Variants in TOX observed in about 807,000 individuals in gnomAD.
The protein encoded by TOX is thymocyte selection-associated high mobility group box protein TOX.
In TOX, 11 loss-of-function variants were observed where a neutral mutation model predicts 53.7. The ratio of observed to expected loss-of-function variants is 0.20; its 90% CI spans 0.13 to 0.34. The LOEUF is 0.34. Ranked by LOEUF, TOX falls within the 10% of genes least tolerant of loss-of-function variation. The probability of loss-of-function intolerance (pLI) is 1.00; values close to 1 mark genes in which losing one functional copy is unlikely to be tolerated. For synonymous variants in TOX, 225 were observed against 245.3 expected (o/e 0.92, Z 0.77); for missense variants, 570 against 664.6 (o/e 0.86, Z 1.56).
intron 5 of TOX, among the ~76,000 whole-genome samples, chr8:58,833,238 G>A (rs1201074610): frequency 5.3e-5 from 8 of 152,152 alleles, no homozygotes. Context: ...CTCCAATTAG[G>A]AACTTAAGGT....
rs369797233 is a variant in TOX at position 59,009,559 on chromosome 8, G to T, written c.103-49551C>A. ...GGCTAATTTTTGTACTTTTAGTAGA[G>T]ACAGGGTTTTACCATGTTGGCCAGG... On this transcript the variant is annotated intron_variant, in intron 1 of 8. Transcript: ENST00000361421. Among the ~76,000 whole-genome samples the T allele has an allele frequency of 3.2e-4, 49 of 152,088 alleles. No homozygotes were observed. In the South Asian group the frequency reaches 9.8e-3, roughly 30 times the overall value.
rs67045037 is a variant in TOX, at chr8:58,965,894, G to GTTTTTT, written c.103-5892_103-5887dup. On this transcript the variant is annotated intron_variant, in intron 1 of 8. Coordinates refer to ENST00000361421, the MANE Select transcript of TOX (RefSeq NM_014729.3). ...GCCCAGTATAAGATTACGAGTCATCGTTTTTTTTTTTTTTTTTTTTTTTTT... is the reference window on the plus strand; with the variant it reads ...GCCCAGTATAAGATTACGAGTCATCGTTTTTTTTTTTTTTTTTTTTTTTTTTTTTTT... 3.3e-3 allele frequency among the ~76,000 whole-genome samples: 164 copies of GTTTTTT among 49,608 alleles called. 42 individuals carry two copies. Among genetic ancestry groups the GTTTTTT allele is most frequent in the African/African-American group, 7.9e-3 (103 of 13,046 alleles). The allele number at this position is 49,608 out of a possible 152,430, so 32.5% of individuals were successfully genotyped here.
intron 1 of TOX, among the ~76,000 whole-genome samples, chr8:58,995,574 C>G (rs955189717): frequency 1.3e-5 from 2 of 152,128 alleles, no homozygotes; most frequent in Non-Finnish European, 2.9e-5. Flanking sequence ...GATCTCTCTA[C>G]CCCTCTGGAT....
At chr8:59,016,064 A>G (rs1337580198) in intron 1 of TOX, among the ~76,000 whole-genome samples, 1 of 152,188 alleles carries the variant, frequency 6.6e-6, no homozygotes, top group Non-Finnish European at 1.5e-5. Context: ...AAAGAAATCC[A>G]TATTTATGAC....
At chr8:58,967,091 G>T (rs1469418858) in intron 1 of TOX, among the ~76,000 whole-genome samples, 1 of 151,832 alleles carries the variant, frequency 6.6e-6, no homozygotes, top group Admixed American at 6.6e-5. Flanking sequence ...AGCCAGGATG[G>T]TCTCCATCTC....
intron 1 of TOX, among the ~76,000 whole-genome samples, chr8:59,103,615 CT>C (rs1457207487): frequency 1.3e-5 from 2 of 152,196 alleles, no homozygotes; most frequent in Non-Finnish European, 2.9e-5. Flanking sequence ...GTCTAGCCCC[CT>C]GAGATATAAA....
At chr8:59,089,065 A>G (rs1445549170) in intron 1 of TOX, among the ~76,000 whole-genome samples, 6 of 152,256 alleles carry the variant, frequency 3.9e-5, no homozygotes, top group Non-Finnish European at 7.3e-5. Flanking sequence ...ATGACAAATT[A>G]GAAATCAAGA....
At chr8:58,900,944 C>A (rs1321058597) in intron 3 of TOX, among the ~76,000 whole-genome samples, 1 of 152,060 alleles carries the variant, frequency 6.6e-6, no homozygotes, top group Non-Finnish European at 1.5e-5. Flanking sequence ...TCATTGTCAA[C>A]AGAATGCTTC....
At chr8:58,902,403 G>C (rs749603821) in intron 3 of TOX, among the ~76,000 whole-genome samples, 2 of 152,154 alleles carry the variant, frequency 1.3e-5, no homozygotes, top group East Asian at 1.9e-4. Context: ...GATGCAGGAC[G>C]GGGGGTCCTA....
rs1479222497 is a variant in TOX at position 59,068,349 on chromosome 8, T to C, written c.102+50537A>G. Among the ~76,000 whole-genome samples the C allele has an allele frequency of 4.0e-5, 6 of 150,902 alleles. No individual in the cohort carries two copies. In the East Asian group the frequency reaches 1.2e-3, roughly 29 times the overall value. On this transcript the variant is annotated intron_variant, in intron 1 of 8. Transcript: ENST00000361421. Reference sequence around the variant, plus strand: ...ATAGTCTCAGTGTCCACAGAGTTTATCTAGTGGGGGAGATAGCTGTAAAGG... The same window carrying C: ...ATAGTCTCAGTGTCCACAGAGTTTACCTAGTGGGGGAGATAGCTGTAAAGG...
chr8:59,103,872 C>T (rs1169256193), intron 1 of TOX, among the ~76,000 whole-genome samples: 1 of 152,164 alleles, frequency 6.6e-6, no homozygotes, highest in Non-Finnish European at 1.5e-5. Context: ...TGGAAGTTAA[C>T]TCAGCAGGTG....
chr8:58,889,938 A>G (rs1389280179), intron 3 of TOX, among the ~76,000 whole-genome samples: 3 of 152,192 alleles, frequency 2.0e-5, no homozygotes, highest in African/African-American at 7.2e-5. Flanking sequence ...TAGAGGCTAT[A>G]TATGTTATGA....
intron 2 of TOX, among the ~76,000 whole-genome samples, chr8:58,953,703 C>G (rs71521437): frequency 0.048 from 7,328 of 152,186 alleles, 222 homozygotes; most frequent in South Asian, 0.097. Flanking sequence ...AGCATGGCAG[C>G]TTTATCATTC....
chr8:58,979,426 C>T (rs1813160777), intron 1 of TOX, among the ~76,000 whole-genome samples: 1 of 152,200 alleles, frequency 6.6e-6, no homozygotes, highest in Non-Finnish European at 1.5e-5. Context: ...GCTGTCCGGC[C>T]TTACCAGATA....
intron 1 of TOX, among the ~76,000 whole-genome samples, chr8:59,087,514 G>T (rs1027661374): frequency 4.6e-5 from 7 of 152,092 alleles, no homozygotes; most frequent in African/African-American, 1.7e-4. Flanking sequence ...TAGGACTCCA[G>T]GTCTGTCCCC....
At chr8:58,918,891 A>G (rs1016794663) in intron 3 of TOX, among the ~76,000 whole-genome samples, 30 of 151,742 alleles carry the variant, frequency 2.0e-4, no homozygotes, top group Non-Finnish European at 3.1e-4. Context: ...AAAAATCACA[A>G]GCATTCTTAT....
chr8:58,856,053 G>A (rs1563371215), intron 3 of TOX, among the ~76,000 whole-genome samples: 1 of 152,176 alleles, frequency 6.6e-6, no homozygotes, highest in Non-Finnish European at 1.5e-5. Context: ...GAGGTTAAAT[G>A]ATCTCAGATC....
chr8:59,037,359 C>G (rs558166303), intron 1 of TOX, among the ~76,000 whole-genome samples: 1 of 152,130 alleles, frequency 6.6e-6, no homozygotes, highest in East Asian at 1.9e-4. Flanking sequence ...TCTTAAGGTC[C>G]TGGTAAAATT....
chr8:58,845,397 A>T (rs1289026377), intron 4 of TOX, among the ~76,000 whole-genome samples: 1 of 152,102 alleles, frequency 6.6e-6, no homozygotes, highest in African/African-American at 2.4e-5. Context: ...GTGAGTGAAA[A>T]TTTTGCTACT....
Sources: allele counts gnomAD v4.1 joint callset (sites outside exome capture counted in the v4.1 genomes callset), GRCh38; gene constraint gnomAD v4.1.1; transcripts MANE v1.5; gene names NCBI Gene and HGNC (gene_info 2026-07-23, HGNC 2026-07-21).